The following EXOC4 variants were observed in gnomAD, a reference collection of about 807,000 sequenced individuals.
EXOC4 encodes the protein SEC8-like 1.
A neutral mutation model predicts 107.2 loss-of-function variants in EXOC4; 71 were observed. The ratio of observed to expected loss-of-function variants is 0.66; its 90% CI spans 0.55 to 0.81. The LOEUF (loss-of-function observed/expected upper bound fraction) is 0.81. Among genes scored for constraint, EXOC4 ranks in the 30% least tolerant of loss-of-function variants. EXOC4 has a pLI of 0.00. For synonymous variants in EXOC4, 456 were observed against 441.2 expected, an observed-to-expected ratio of 1.03 and a Z score of -0.42; for missense variants, 1,108 against 1,189.6, an observed-to-expected ratio of 0.93 and a Z score of 1.01.
intron 5 of EXOC4, among the ~76,000 whole-genome samples, chr7:133,320,359 T>C (rs1004107570): frequency 6.6e-6 from 1 of 152,226 alleles, no homozygotes; most frequent in African/African-American, 2.4e-5. Flanking sequence ...TTCTGGCTCC[T>C]GGAGGCCACC....
intron 9 of EXOC4, 32 bp from the exon 10 acceptor site, chr7:133,630,013 G>A: frequency 1.3e-6 from 2 of 1,510,140 alleles, no homozygotes; most frequent in East Asian, 2.3e-5. Context: ...GTTTCAATGA[G>A]CTAAGTCTGT....
rs1390690221 is a variant in EXOC4 at position 134,004,001 on chromosome 7, C to G, written c.2349-911C>G. On this transcript the variant is annotated intron_variant, in intron 15 of 17. Coordinates refer to ENST00000253861, the MANE Select transcript of EXOC4 (RefSeq NM_021807.4). ...GCTGTCAGATATGTTCTGTGAGACT[C>G]AAGCATCACCTTCTGTCAGGACCCT... 2.0e-5 allele frequency among the ~76,000 whole-genome samples: 3 copies of G among 152,228 alleles called. No homozygotes were observed. The South Asian group carries it at 6.2e-4, about 32-fold the overall frequency.
At chr7:133,370,732 A>G (rs567524690) in intron 6 of EXOC4, among the ~76,000 whole-genome samples, 1 of 152,252 alleles carries the variant, frequency 6.6e-6, no homozygotes, top group Admixed American at 6.5e-5. Context: ...TTCCTTTCAC[A>G]CAGGAAAGGT....
chr7:133,426,358 T>A (rs1244319456), intron 7 of EXOC4, among the ~76,000 whole-genome samples: 1 of 152,194 alleles, frequency 6.6e-6, no homozygotes, highest in East Asian at 1.9e-4. Flanking sequence ...TTCTTACAAA[T>A]ATAAAAGGAA....
the EXOC4 span, among the ~76,000 whole-genome samples, chr7:134,072,091 T>C: frequency 2.0e-5 from 3 of 152,194 alleles, no homozygotes; most frequent in African/African-American, 7.2e-5. Context: ...AAACCTTTGG[T>C]TCAGGGGCTG....
At chr7:133,693,310 G>T (rs980362565) in intron 10 of EXOC4, among the ~76,000 whole-genome samples, 4 of 152,314 alleles carry the variant, frequency 2.6e-5, no homozygotes, top group Middle Eastern at 3.4e-3. Context: ...GAAGCATCCA[G>T]CATGGGAGAG....
At chr7:134,008,146 A>G (rs1794687126) in intron 17 of EXOC4, among the ~76,000 whole-genome samples, 1 of 152,208 alleles carries the variant, frequency 6.6e-6, no homozygotes, top group Admixed American at 6.5e-5. Flanking sequence ...ATAAGATACA[A>G]AGAAGAATAT....
intron 3 of EXOC4, among the ~76,000 whole-genome samples, chr7:133,299,652 A>C (rs897409971): frequency 1.3e-5 from 2 of 152,208 alleles, no homozygotes; most frequent in Admixed American, 1.3e-4. Flanking sequence ...ATTTTCCGAG[A>C]TAGATCTGAA....
At chr7:133,781,557 A>G (rs904172260) in intron 10 of EXOC4, among the ~76,000 whole-genome samples, 18 of 152,350 alleles carry the variant, frequency 1.2e-4, no homozygotes, top group Non-Finnish European at 2.6e-4. Flanking sequence ...CAGACCCTGT[A>G]CAATCCTAAA....
intron 10 of EXOC4, among the ~76,000 whole-genome samples, chr7:133,672,430 T>C (rs1351532704): frequency 7.9e-5 from 12 of 151,444 alleles, no homozygotes; most frequent in African/African-American, 2.7e-4. Context: ...AACTGAGATA[T>C]GGATTGTTTA....
chr7:133,274,083 A>G (rs1793934681), intron 1 of EXOC4, among the ~76,000 whole-genome samples: 1 of 152,220 alleles, frequency 6.6e-6, no homozygotes. Context: ...AAGTTATTGA[A>G]ATATTTTTAA....
At chr7:133,627,734 C>G (rs1028104062) in intron 9 of EXOC4, among the ~76,000 whole-genome samples, 5 of 151,950 alleles carry the variant, frequency 3.3e-5, no homozygotes, top group African/African-American at 1.2e-4. Context: ...AACTTAGCAG[C>G]ACCTTCATAT....
intron 12 of EXOC4, among the ~76,000 whole-genome samples, chr7:133,898,123 G>C (rs1395068966): frequency 6.7e-6 from 1 of 149,634 alleles, no homozygotes; most frequent in East Asian, 2.0e-4. Context: ...TTGTCTTTCT[G>C]TGCCTGGCCA....
chr7:133,938,216 C>A, intron 14 of EXOC4, 147 bp downstream of exon 14: 1 of 758,766 alleles, frequency 1.3e-6, no homozygotes, highest in Non-Finnish European at 2.1e-6. Context: ...GCTTGTGTTG[C>A]ACCTCTTGTA....
At chr7:134,021,383 G>A (rs1047275215) in intron 17 of EXOC4, among the ~76,000 whole-genome samples, 1 of 152,104 alleles carries the variant, frequency 6.6e-6, no homozygotes, top group Non-Finnish European at 1.5e-5. Flanking sequence ...AGATCTAGAC[G>A]CTGGCTACTG....
chr7:134,006,072 G>A (rs190161255), intron 16 of EXOC4, among the ~76,000 whole-genome samples: 2 of 152,324 alleles, frequency 1.3e-5, no homozygotes, highest in East Asian at 3.9e-4. Flanking sequence ...GCTTTCAGCT[G>A]CAGTGCCTAC....
At position 133,721,474 on chromosome 7, in the gene EXOC4, C is replaced by G. The variant is rs79815580; in HGVS notation, c.1514+91333C>G. 2.0e-4 allele frequency among the ~76,000 whole-genome samples: 30 copies of G among 152,182 alleles called. No homozygotes were observed. In the East Asian group the frequency reaches 4.8e-3, roughly 25 times the overall value. On this transcript the variant is annotated intron_variant, in intron 10 of 17. Transcript: ENST00000253861. ...AAGTCAAGGAGTCTCATTCCTGTTCCTAATGTTGTCAGAGGCCAGATTTTA... is the reference window on the plus strand; with the variant it reads ...AAGTCAAGGAGTCTCATTCCTGTTCGTAATGTTGTCAGAGGCCAGATTTTA...
chr7:133,848,030 C>A (rs1798168599), intron 11 of EXOC4, among the ~76,000 whole-genome samples: 1 of 151,682 alleles, frequency 6.6e-6, no homozygotes, highest in African/African-American at 2.4e-5. Flanking sequence ...GCGCCTGGCC[C>A]AGGAGTCACT....
At chr7:133,544,800 CTTG>C (rs1172464277) in intron 9 of EXOC4, among the ~76,000 whole-genome samples, 2 of 149,692 alleles carry the variant, frequency 1.3e-5, no homozygotes, top group Non-Finnish European at 3.0e-5. Context: ...TTTGAAAAAC[CTTG>C]TTGTCTTCCA....
Sources: allele counts gnomAD v4.1 joint callset (sites outside exome capture counted in the v4.1 genomes callset), GRCh38; gene constraint gnomAD v4.1.1; transcripts MANE v1.5; gene names NCBI Gene and HGNC (gene_info 2026-07-23, HGNC 2026-07-21).